SEMA4B: variants seen among roughly 807,000 people sequenced by gnomAD.
SEMA4B encodes semaphorin 4B.
Under a neutral mutation model 88.1 loss-of-function variants are expected in SEMA4B, and 55 were observed. That is an observed-to-expected ratio of 0.62 (90% CI 0.50 to 0.78). The LOEUF is 0.78. SEMA4B is among the 30% of genes least tolerant of loss of function. The pLI is 0.00. For missense variants in SEMA4B, 1,062 were observed against 1,111.9 expected (o/e 0.96, Z 0.64); for synonymous variants, 525 against 473.6 (o/e 1.11, Z -1.41).
rs771496244 is a variant in SEMA4B, at chr15:90,217,434, C to G, written c.158-5C>G. Reference sequence around the variant, plus strand: ...CCCAGGTAATACCCATCTTCCTCTCCCCAGGCTCTGAAGAGCGGCCATTCC... The same window carrying G: ...CCCAGGTAATACCCATCTTCCTCTCGCCAGGCTCTGAAGAGCGGCCATTCC... On this transcript the variant is annotated splice_polypyrimidine_tract_variant and splice_region_variant and intron_variant, in intron 1 of 13. Transcript: ENST00000411539. The G allele has an allele frequency of 1.2e-6, 2 of 1,611,824 alleles. No homozygotes were observed. The highest frequency in any genetic ancestry group is 1.7e-6 in the Non-Finnish European group (2 of 1,178,922).
chr15:90,197,957 C>T (rs1473944052), upstream of SEMA4B, among the ~76,000 whole-genome samples: 2 of 146,910 alleles, frequency 1.4e-5, no homozygotes, highest in East Asian at 2.0e-4. Flanking sequence ...GATGGAGTCT[C>T]GCTCTGTGGC....
In SEMA4B at chr15:90,201,406, G is replaced by T. The variant is rs1960713831; in HGVS notation, c.-173G>T. The T allele has an allele frequency of 7.8e-7, 1 of 1,282,178 alleles. No individual in the cohort carries two copies. The highest frequency in any genetic ancestry group is 1.6e-5 in the African/African-American group (1 of 64,160). 79.4% of individuals were successfully genotyped at this position (1,282,178 alleles called of 1,614,324 possible). ...GAGGACTGCGGTGCCCCGCGGAGGG[G>T]CTGAGTTTGCCAGGGCCCACTTGAC... is the stretch of plus-strand genomic sequence containing the variant. On this transcript the variant is annotated 5_prime_UTR_variant, in exon 1 of 14. Transcript: ENST00000411539.
At chr15:90,205,211 G>A (rs1464758612) in intron 1 of SEMA4B, among the ~76,000 whole-genome samples, 2 of 152,266 alleles carry the variant, frequency 1.3e-5, no homozygotes, top group African/African-American at 4.8e-5. Context: ...TGAGCAGAGA[G>A]AATGGAGCAT....
At position 90,228,008 on chromosome 15, in the gene SEMA4B, G is replaced by A. The variant is rs760441106; in HGVS notation, c.1879G>A (p.Ala627Thr). The change falls in exon 14 of 14, where the codon GCC (alanine) becomes ACC (threonine). Residue 627 changes from alanine to threonine, a missense_variant. Coordinates refer to ENST00000411539, the MANE Select transcript of SEMA4B (RefSeq NM_198925.4). ...LATRLWLRNG[A>T]PVNASASCHV... ...GACCCGACTCTGGCTACGCAACGGG[G>A]CCCCCGTCAATGCCTCGGCCTCCTG... is the stretch of plus-strand genomic sequence containing the variant. 2.5e-6 allele frequency: 4 copies of A among 1,613,782 alleles called. No individual in the cohort carries two copies. Among genetic ancestry groups the A allele is most frequent in the Non-Finnish European group, 8.5e-7 (1 of 1,179,862 alleles).
At position 90,229,200 on chromosome 15, in the gene SEMA4B, C is replaced by T. The variant is rs548290404; in HGVS notation, c.*557C>T. 3.1e-4 allele frequency: 128 copies of T among 410,680 alleles called. No homozygotes were observed. Among genetic ancestry groups the T allele is most frequent in the African/African-American group, 2.1e-3 (103 of 48,594 alleles). 25.4% of individuals were successfully genotyped at this position (410,680 alleles called of 1,614,324 possible). On this transcript the variant is annotated 3_prime_UTR_variant, in exon 14 of 14. Transcript: ENST00000411539. Reference sequence around the variant, plus strand: ...CCGAGGATGTAGTTGTTGCTGCCGTCGTCCCACCACCTCAGGGACCAGAGG... The same window carrying T: ...CCGAGGATGTAGTTGTTGCTGCCGTTGTCCCACCACCTCAGGGACCAGAGG...
chr15:90,227,983 G>C lies in SEMA4B; in HGVS notation c.1854G>C (p.Ala618=). The C allele has an allele frequency of 3.1e-6, 5 of 1,613,784 alleles. No individual in the cohort carries two copies. The highest frequency in any genetic ancestry group is 4.2e-6 in the Non-Finnish European group (5 of 1,179,864). ...TLACPLLSNL[A]TRLWLRNGAP... is the part of the protein sequence containing the mutation. ...CCTGCCCGCTCCTCTCCAACCTGGCGACCCGACTCTGGCTACGCAACGGGG... is the reference window on the plus strand; with the variant it reads ...CCTGCCCGCTCCTCTCCAACCTGGCCACCCGACTCTGGCTACGCAACGGGG... Residue 618 remains alanine (A), a synonymous_variant, in exon 14 of 14, where the codon GCG becomes GCC. Coordinates refer to ENST00000411539, the MANE Select transcript of SEMA4B (RefSeq NM_198925.4).
intron 1 of SEMA4B, among the ~76,000 whole-genome samples, chr15:90,188,551 C>T (rs1445136866): frequency 2.0e-5 from 3 of 152,032 alleles, no homozygotes; most frequent in Non-Finnish European, 4.4e-5. Flanking sequence ...TTGCTGGAAC[C>T]TGGGAGGCGG....
intron 1 of SEMA4B, among the ~76,000 whole-genome samples, chr15:90,187,242 A>G (rs1048261812): frequency 6.6e-6 from 1 of 152,266 alleles, no homozygotes; most frequent in African/African-American, 2.4e-5. Context: ...GCTTCCCTAA[A>G]GCAGGGAAAT....
intron 12 of SEMA4B, among the ~76,000 whole-genome samples, chr15:90,226,719 G>A (rs1962191309): frequency 6.6e-6 from 1 of 152,148 alleles, no homozygotes; most frequent in African/African-American, 2.4e-5. Flanking sequence ...TACACCTGGT[G>A]TCAGTTTTTA....
chr15:90,199,816 ACT>A (rs202166695), upstream of SEMA4B, among the ~76,000 whole-genome samples: 1,904 of 151,364 alleles, frequency 0.013, 39 homozygotes, highest in African/African-American at 0.044. Context: ...AAAGAGCAAG[ACT>A]CTGTCTCAAA....
At chr15:90,219,753 T>C (rs774198292) in intron 3 of SEMA4B, 40 bp from the exon 4 acceptor site, 12 of 1,541,374 alleles carry the variant, frequency 7.8e-6, no homozygotes, top group Non-Finnish European at 1.1e-5. Context: ...GGTGGCATGC[T>C]TGGGCGTGGG....
At chr15:90,219,720 G>A (rs1396264585) in intron 3 of SEMA4B, 73 bp from the exon 4 acceptor site, 2 of 1,104,178 alleles carry the variant, frequency 1.8e-6, no homozygotes, top group African/African-American at 2.7e-5. Context: ...GGGTGTGGAA[G>A]GGGGGGCTCG....
intron 7 of SEMA4B, among the ~76,000 whole-genome samples, chr15:90,223,257 CTTATA>C (rs759164589): frequency 5.3e-5 from 8 of 152,218 alleles, no homozygotes; most frequent in African/African-American, 1.9e-4. Context: ...CGACCTTGTA[CTTATA>C]TTATTAACTC....
intron 1 of SEMA4B, among the ~76,000 whole-genome samples, chr15:90,187,789 G>A (rs1240868902): frequency 2.0e-5 from 3 of 151,628 alleles, no homozygotes; most frequent in Admixed American, 6.6e-5. Flanking sequence ...GGCAGATCAC[G>A]AGGTCAGGAG....
At chr15:90,187,641 C>G (rs1344416626) in intron 1 of SEMA4B, among the ~76,000 whole-genome samples, 1 of 152,184 alleles carries the variant, frequency 6.6e-6, no homozygotes, top group Non-Finnish European at 1.5e-5. Flanking sequence ...GGGAGCACTT[C>G]TAGAACTCTG....
chr15:90,216,669 C>T (rs1380316388), intron 1 of SEMA4B, among the ~76,000 whole-genome samples: 1 of 152,102 alleles, frequency 6.6e-6, no homozygotes, highest in Non-Finnish European at 1.5e-5. Flanking sequence ...CATGGTGAAA[C>T]CCCGTCTCTA....
chr15:90,222,224 G>A (rs1245135508), intron 7 of SEMA4B, among the ~76,000 whole-genome samples: 2 of 147,498 alleles, frequency 1.4e-5, no homozygotes, highest in Admixed American at 1.3e-4. Context: ...ACAGGCATGA[G>A]CCACTGCACC....
chr15:90,194,359 C>T (rs1452189742), intron 1 of SEMA4B, among the ~76,000 whole-genome samples: 1 of 151,720 alleles, frequency 6.6e-6, no homozygotes, highest in Non-Finnish European at 1.5e-5. Flanking sequence ...ATGGTGAAAC[C>T]TCGTCTCTAC....
At position 90,229,352 on chromosome 15, in the gene SEMA4B, G is replaced by A. The variant is rs1962385854; in HGVS notation, c.*709G>A. 2 of 456,856 alleles carry A rather than the reference G, an allele frequency of 4.4e-6. No homozygotes were observed. The highest frequency in any genetic ancestry group is 4.4e-6 in the Non-Finnish European group (1 of 227,006). The allele number at this position is 456,856 out of a possible 1,614,324, so 28.3% of individuals were successfully genotyped here. A position where few individuals can be genotyped will look rare whatever the true frequency, so the allele number is the denominator to read the frequency against. Reference sequence around the variant, plus strand: ...AGCTCAGGAGAGATTTCGTGACAATGTACGCCTTTCCCTCAGAATTCAGGG... The same window carrying A: ...AGCTCAGGAGAGATTTCGTGACAATATACGCCTTTCCCTCAGAATTCAGGG... On this transcript the variant is annotated 3_prime_UTR_variant, in exon 14 of 14. Transcript: ENST00000411539.
Sources: allele counts gnomAD v4.1 joint callset (sites outside exome capture counted in the v4.1 genomes callset), GRCh38; gene constraint gnomAD v4.1.1; transcripts MANE v1.5; gene names NCBI Gene and HGNC (gene_info 2026-07-23, HGNC 2026-07-21).